The following FER variants were observed in gnomAD, a reference collection of about 807,000 sequenced individuals.
The protein encoded by FER is FER tyrosine kinase, also known as tyrosine-protein kinase Fer.
Under a neutral mutation model 111.0 loss-of-function variants are expected in FER, and 63 were observed. That is an observed-to-expected ratio of 0.57 (90% confidence interval 0.46 to 0.70). The LOEUF (loss-of-function observed/expected upper bound fraction) is 0.70, where lower values mean the gene tolerates loss of function less well. Among genes scored for constraint, FER ranks in the 30% least tolerant of loss-of-function variants. FER has a pLI of 0.00. For synonymous variants in FER, 327 were observed against 313.9 expected, an observed-to-expected ratio of 1.04 and a Z score of -0.44; for missense variants, 914 against 954.0, an observed-to-expected ratio of 0.96 and a Z score of 0.55.
At chr5:108,964,528 G>A (rs1759550560) in intron 13 of FER, among the ~76,000 whole-genome samples, 2 of 152,154 alleles carry the variant, frequency 1.3e-5, no homozygotes. Context: ...GTTTGCTGGT[G>A]TGATTGAAGA....
At chr5:109,054,802 T>A (rs1336812348) in intron 16 of FER, among the ~76,000 whole-genome samples, 1 of 152,214 alleles carries the variant, frequency 6.6e-6, no homozygotes, top group Non-Finnish European at 1.5e-5. Context: ...TTTTGGCATG[T>A]GGATATCCAG....
chr5:108,850,758 G>A (rs373459699), intron 5 of FER, among the ~76,000 whole-genome samples: 56 of 151,962 alleles, frequency 3.7e-4, no homozygotes, highest in Middle Eastern at 3.4e-3. Flanking sequence ...TTACTACACC[G>A]TTATTTTACA....
intron 2 of FER, among the ~76,000 whole-genome samples, chr5:108,791,888 T>C (rs1287527648): frequency 1.3e-5 from 2 of 152,232 alleles, no homozygotes; most frequent in East Asian, 1.9e-4. Flanking sequence ...CCTGCTTCAT[T>C]GTTTTGCATG....
Position 109,047,395 on chromosome 5 carries a change from A to C in FER, c.1924+197A>C, listed in dbSNP as rs112190951. Among the ~76,000 whole-genome samples the C allele has an allele frequency of 2.4e-4, 36 of 152,308 alleles. 1 individual carries two copies. The highest frequency in any genetic ancestry group is 8.4e-4 in the African/African-American group (35 of 41,558). On this transcript the variant is annotated intron_variant, in intron 16 of 19. Coordinates refer to ENST00000281092, the MANE Select transcript of FER (RefSeq NM_005246.4). ...CTTTACTATTTTCTAGAAAATGTCAACTGCTTTTTTAAAAGGCAGATTTAT... is the reference window on the plus strand; with the variant it reads ...CTTTACTATTTTCTAGAAAATGTCACCTGCTTTTTTAAAAGGCAGATTTAT...
chr5:108,951,553 TATTAA>T (rs1285456982), intron 11 of FER, among the ~76,000 whole-genome samples: 1 of 152,218 alleles, frequency 6.6e-6, no homozygotes, highest in African/African-American at 2.4e-5. Flanking sequence ...TTAATTAGAC[TATTAA>T]ATTAATGTTA....
chr5:109,177,353 C>G (rs1197593187), intron 17 of FER, among the ~76,000 whole-genome samples: 4 of 151,984 alleles, frequency 2.6e-5, no homozygotes, highest in Admixed American at 2.6e-4. Context: ...GAGGTTTTCT[C>G]CTCATAAGTG....
chr5:108,928,693 A>T (rs1010817765), intron 10 of FER, among the ~76,000 whole-genome samples: 5 of 152,022 alleles, frequency 3.3e-5, no homozygotes, highest in Admixed American at 3.3e-4. Flanking sequence ...TCTCCCTTGA[A>T]AGCATATACA....
intron 10 of FER, among the ~76,000 whole-genome samples, chr5:108,930,748 G>T (rs1449067779): frequency 6.7e-6 from 1 of 149,544 alleles, no homozygotes; most frequent in Non-Finnish European, 1.5e-5. Flanking sequence ...TGAGTAGCTG[G>T]GAGTACAGGT....
At chr5:109,162,022 A>T (rs1756044061) in intron 17 of FER, among the ~76,000 whole-genome samples, 1 of 152,010 alleles carries the variant, frequency 6.6e-6, no homozygotes, top group African/African-American at 2.4e-5. Flanking sequence ...TGAGTTTTTC[A>T]TATGCTTGTT....
At chr5:109,031,207 T>G (rs1384753486) in intron 13 of FER, among the ~76,000 whole-genome samples, 1 of 152,146 alleles carries the variant, frequency 6.6e-6, no homozygotes. Context: ...GGAGTCAAAC[T>G]GCCTTCTGTT....
At chr5:108,931,418 G>C (rs1047554164) in intron 10 of FER, among the ~76,000 whole-genome samples, 2 of 152,040 alleles carry the variant, frequency 1.3e-5, no homozygotes, top group Non-Finnish European at 2.9e-5. Flanking sequence ...AAGGATTTCT[G>C]AAATGTAGAT....
intron 5 of FER, among the ~76,000 whole-genome samples, chr5:108,866,977 C>A (rs1764131875): frequency 6.6e-6 from 1 of 152,116 alleles, no homozygotes; most frequent in African/African-American, 2.4e-5. Flanking sequence ...CACATGAAGT[C>A]TAAATTTCTC....
intron 16 of FER, among the ~76,000 whole-genome samples, chr5:109,099,952 T>G (rs1249122645): frequency 6.6e-6 from 1 of 151,750 alleles, no homozygotes; most frequent in Non-Finnish European, 1.5e-5. Flanking sequence ...TCACTGAATC[T>G]AATAGCTAAT....
chr5:108,758,843 G>A (rs1751400973), intron 1 of FER, among the ~76,000 whole-genome samples: 1 of 152,148 alleles, frequency 6.6e-6, no homozygotes, highest in Non-Finnish European at 1.5e-5. Context: ...TAGATGCTGG[G>A]TGAGCAAAAC....
At chr5:109,163,517 G>C (rs1484172233) in intron 17 of FER, among the ~76,000 whole-genome samples, 1 of 152,152 alleles carries the variant, frequency 6.6e-6, no homozygotes, top group Non-Finnish European at 1.5e-5. Context: ...ATGTATGACA[G>C]CTGCTATTTC....
At chr5:108,919,142 A>G (rs1752670181) in intron 10 of FER, among the ~76,000 whole-genome samples, 1 of 152,006 alleles carries the variant, frequency 6.6e-6, no homozygotes, top group Non-Finnish European at 1.5e-5. Flanking sequence ...GTAATTTTCA[A>G]TGTTAAACTT....
chr5:108,793,642 G>A (rs1755660468), intron 2 of FER, among the ~76,000 whole-genome samples: 1 of 152,030 alleles, frequency 6.6e-6, no homozygotes, highest in African/African-American at 2.4e-5. Context: ...ACCAGCAGCA[G>A]TGTTTCAGGA....
intron 17 of FER, among the ~76,000 whole-genome samples, chr5:109,178,772 ATTACT>A (rs767126307): frequency 7.9e-5 from 12 of 152,278 alleles, no homozygotes; most frequent in African/African-American, 2.6e-4. Context: ...CTTTCTTAAA[ATTACT>A]TTATTTTAGA....
At chr5:108,842,058 T>A (rs1367882213) in intron 5 of FER, among the ~76,000 whole-genome samples, 1 of 152,228 alleles carries the variant, frequency 6.6e-6, no homozygotes, top group Non-Finnish European at 1.5e-5. Context: ...ATTTTTTTGA[T>A]GTTCTCTTTA....
Sources: gnomAD v4.1 joint callset for allele counts (sites outside exome capture counted in the v4.1 genomes callset) on GRCh38, gnomAD v4.1.1 for gene constraint, MANE v1.5 for transcripts, NCBI Gene and HGNC (gene_info 2026-07-23, HGNC 2026-07-21) for gene names.